Variants in DST observed in about 807,000 individuals in gnomAD.
DST encodes bullous pemphigoid antigen.
DST carries 253 observed loss-of-function variants against 875.2 expected under a neutral mutation model. That is an observed-to-expected ratio of 0.29 (90% CI 0.26 to 0.32). DST has a LOEUF of 0.32. Ranked by LOEUF, DST falls within the 10% of genes least tolerant of loss-of-function variation. The probability of loss-of-function intolerance (pLI) is 1.00; values close to 1 mark genes in which losing one functional copy is unlikely to be tolerated. For missense variants in DST, 8,287 were observed against 9,111.6 expected, an observed-to-expected ratio of 0.91 and a Z score of 3.68; for synonymous variants, 3,124 against 3,197.1, an observed-to-expected ratio of 0.98 and a Z score of 0.77.
At chr6:56,727,397 A>G (rs539804644) in intron 5 of DST, among the ~76,000 whole-genome samples, 34 of 152,320 alleles carry the variant, frequency 2.2e-4, no homozygotes, top group African/African-American at 8.2e-4. Flanking sequence ...TGGAAAAACA[A>G]ACATTCTAAA....
chr6:56,865,923 G>A (rs1350129991), intron 3 of DST, among the ~76,000 whole-genome samples: 2 of 151,916 alleles, frequency 1.3e-5, no homozygotes, highest in Non-Finnish European at 2.9e-5. Flanking sequence ...TTACTAAAAT[G>A]ATATACATAA....
In DST at chr6:56,555,617, AGGC is replaced by A; in HGVS notation, c.14861_14863del (p.Ser4954_Leu4955delinsMet). 6.2e-7 allele frequency: 1 copy of A among 1,614,026 alleles called. No homozygotes were observed. The highest frequency in any genetic ancestry group is 8.5e-7 in the Non-Finnish European group (1 of 1,179,904). On this transcript the variant is annotated inframe_deletion, in exon 60 of 104. Transcript: ENST00000680361. ...CAGTTTATCAGAAAGGCTTCTCAGC[AGGC>A]TTTGATACTGTGTGCTTTTAACAAT...
At chr6:56,761,930 G>A (rs1384404172) in intron 4 of DST, among the ~76,000 whole-genome samples, 1 of 152,116 alleles carries the variant, frequency 6.6e-6, no homozygotes, top group Non-Finnish European at 1.5e-5. Context: ...GCACCTTATA[G>A]CTGAGTATCC....
intron 5 of DST, among the ~76,000 whole-genome samples, chr6:56,716,525 T>G (rs2152902059): frequency 6.6e-6 from 1 of 152,314 alleles, no homozygotes; most frequent in East Asian, 1.9e-4. Flanking sequence ...TTTAAAAACT[T>G]AACAATACGA....
intron 2 of DST, among the ~76,000 whole-genome samples, chr6:56,937,931 T>A (rs960056649): frequency 6.6e-6 from 1 of 152,132 alleles, no homozygotes. Context: ...ATTCTACTTA[T>A]ATGCAATGTC....
At chr6:56,831,847 T>C (rs2099787475) in intron 4 of DST, among the ~76,000 whole-genome samples, 1 of 152,026 alleles carries the variant, frequency 6.6e-6, no homozygotes, top group South Asian at 2.1e-4. Flanking sequence ...TAGATGGTAA[T>C]GTGTTCACTT....
At chr6:56,945,906 T>C (rs182656901) in intron 2 of DST, 16 of 149,434 alleles carry the variant, frequency 1.1e-4, no homozygotes, top group Admixed American at 6.0e-4. Context: ...AGGAGGGGAA[T>C]AGGGAATAAT....
chr6:56,643,798 A>C (rs537268329), intron 15 of DST, among the ~76,000 whole-genome samples: 3 of 152,360 alleles, frequency 2.0e-5, no homozygotes, highest in East Asian at 3.9e-4. Context: ...CTTTTGGCTA[A>C]GATCAAGTGT....
chr6:56,553,141 T>C lies in DST; in HGVS notation c.15651A>G (p.Gln5217=), dbSNP rs181902790. ...TCAGTAATTCTACCATACCAAAGTG[T>C]TGGTCCATTTCCTTCTGCAGAGACT... ...KLKSLQKEMD[Q]HFGMVELLNN... Residue 5217 remains glutamine, a synonymous_variant, in exon 61 of 104, where the codon CAA becomes CAG. Transcript: ENST00000680361. The C allele has an allele frequency of 3.1e-6, 5 of 1,613,998 alleles. No individual in the cohort carries two copies. The highest frequency in any genetic ancestry group is 4.5e-5 in the East Asian group (2 of 44,876).
At chr6:56,554,966 T>C (rs893300797) in intron 60 of DST, among the ~76,000 whole-genome samples, 4 of 152,200 alleles carry the variant, frequency 2.6e-5, no homozygotes, top group Non-Finnish European at 5.9e-5. Flanking sequence ...TATGACAGAA[T>C]AGATAAAGTA....
intron 95 of DST, 117 bp downstream of exon 95, chr6:56,470,989 A>T: frequency 8.8e-7 from 1 of 1,136,852 alleles, no homozygotes; most frequent in Non-Finnish European, 1.2e-6. Context: ...GTGACTTCCT[A>T]GGCAACTTAT....
At chr6:56,826,533 T>C (rs2099780675) in intron 4 of DST, among the ~76,000 whole-genome samples, 2 of 152,218 alleles carry the variant, frequency 1.3e-5, no homozygotes. Flanking sequence ...GTTTCTCTAT[T>C]TTCATAGCTC....
chr6:56,721,207 G>C (rs1563862362), intron 5 of DST, among the ~76,000 whole-genome samples: 1 of 92,230 alleles, frequency 1.1e-5, no homozygotes, highest in Non-Finnish European at 2.2e-5. Flanking sequence ...CCACCTCCCA[G>C]ATGGGGCAGC....
rs1484293855 is a variant in DST at position 56,605,969 on chromosome 6, T to C, written c.8659A>G (p.Asn2887Asp). The C allele has an allele frequency of 6.2e-7, 1 of 1,612,862 alleles. No homozygotes were observed. Among genetic ancestry groups the C allele is most frequent in the Non-Finnish European group, 8.5e-7 (1 of 1,179,406 alleles). ...AGGTTGCTTTTTTCAGTAACTAAGT[T>C]ATTTTCACTAGGTGATGCTAGCTGT... is the stretch of plus-strand genomic sequence containing the variant. Reference protein sequence around the residue: ...VVQLASPSENNLVTEKSNLPE... With the variant: ...VVQLASPSENDLVTEKSNLPE... The change falls in exon 40 of 104, where the codon AAC becomes GAC. Residue 2887 changes from asparagine to aspartate, a missense_variant. Transcript: ENST00000680361.
In DST at chr6:56,699,687, A is replaced by G. The variant is rs1300504434; in HGVS notation, c.1013T>C (p.Leu338Ser). The G allele has an allele frequency of 6.5e-7, 1 of 1,531,738 alleles. No individual in the cohort carries two copies. The highest frequency in any genetic ancestry group is 2.3e-5 in the Admixed American group (1 of 43,586). The allele number at this position is 1,531,738 out of a possible 1,614,324, so 94.9% of individuals were successfully genotyped here. Residue 338 changes from leucine (L) to serine (S), a missense_variant, in exon 9 of 104, where the codon TTG (leucine) becomes TCG (serine). Transcript: ENST00000680361. ...CAAAATTATTGTCCAGATTAATCCCAAAGTCAATTTGGGATTTCCATCTGT... is the reference window on the plus strand; with the variant it reads ...CAAAATTATTGTCCAGATTAATCCCGAAGTCAATTTGGGATTTCCATCTGT... ...DITDGNPKLTLGLIWTIILHF... is the reference protein window; with the variant it reads ...DITDGNPKLTSGLIWTIILHF...
intron 3 of DST, among the ~76,000 whole-genome samples, chr6:56,877,932 G>A (rs960234038): frequency 1.3e-5 from 2 of 152,202 alleles, no homozygotes; most frequent in Admixed American, 1.3e-4. Flanking sequence ...TTGTTGAACA[G>A]ACTGTTTCAG....
chr6:56,641,017 G>A (rs548978635), intron 17 of DST, among the ~76,000 whole-genome samples: 22 of 151,604 alleles, frequency 1.5e-4, no homozygotes, highest in African/African-American at 4.4e-4. Flanking sequence ...TTACATTTAT[G>A]TATATATTTT....
intron 69 of DST, among the ~76,000 whole-genome samples, chr6:56,519,094 G>T (rs966213453): frequency 2.0e-5 from 3 of 152,032 alleles, no homozygotes; most frequent in African/African-American, 7.2e-5. Context: ...TGGACCTTGG[G>T]CCACAAGGAA....
At chr6:56,837,986 G>C (rs551835897) in intron 4 of DST, among the ~76,000 whole-genome samples, 11 of 148,412 alleles carry the variant, frequency 7.4e-5, no homozygotes, top group African/African-American at 2.7e-4. Context: ...ACATACTTCA[G>C]CAAATAATTA....
Sources: gnomAD v4.1 joint callset for allele counts (sites outside exome capture counted in the v4.1 genomes callset) on GRCh38, gnomAD v4.1.1 for gene constraint, MANE v1.5 for transcripts, NCBI Gene and HGNC (gene_info 2026-07-23, HGNC 2026-07-21) for gene names.